Variants in ACSL4 observed in about 807,000 individuals in gnomAD.
ACSL4 encodes acyl-CoA synthetase long chain family member 4.
ACSL4 carries 9 observed loss-of-function variants against 49.1 expected under a neutral mutation model. That is an observed-to-expected ratio of 0.18 (90% CI 0.11 to 0.32). The LOEUF (loss-of-function observed/expected upper bound fraction) is 0.32, where lower values mean the gene tolerates loss of function less well. Among genes scored for constraint, ACSL4 ranks in the 10% least tolerant of loss-of-function variants. The pLI is 1.00. For missense variants in ACSL4, 333 were observed against 493.7 expected (o/e 0.67, Z 3.08); for synonymous variants, 191 against 170.3 (o/e 1.12, Z -0.95).
In ACSL4 at chrX:109,642,232, GA is replaced by G. The variant is rs1934464695; in HGVS notation, c.*1796del. 9.0e-6 allele frequency: 1 copy of G among 111,187 alleles called. No homozygotes were observed. Among genetic ancestry groups the G allele is most frequent in the African/African-American group, 3.3e-5 (1 of 30,505 alleles). The allele number at this position is 111,187 out of a possible 1,213,427, so 9.2% of individuals were successfully genotyped here. Reference sequence around the variant, plus strand: ...AAATGGGAAAAAAAATCACATATTGGAAAAGTCTAAGAAACTCATTCTTAAG... The same window carrying G: ...AAATGGGAAAAAAAATCACATATTGGAAAGTCTAAGAAACTCATTCTTAAG... On this transcript the variant is annotated 3_prime_UTR_variant, in exon 16 of 16. Transcript: ENST00000672401.
chrX:109,710,586 T>C (rs760882875), intron 1 of ACSL4, among the ~76,000 whole-genome samples: 1 of 112,960 alleles, frequency 8.9e-6, no homozygotes, highest in African/African-American at 3.2e-5. Flanking sequence ...TAAACAGATA[T>C]AGGATAAATC....
At position 109,682,902 on chromosome X, in the gene ACSL4, A is replaced by G; in HGVS notation, c.229-6T>C. The G allele has an allele frequency of 8.4e-7, 1 of 1,195,288 alleles. No individual in the cohort carries two copies. Among genetic ancestry groups the G allele is most frequent in the Non-Finnish European group, 1.1e-6 (1 of 880,490 alleles). Reference sequence around the variant, plus strand: ...TTATAATTCCCAAGAATTAACTGTTAAAGTGATACATTCTCTAATATTAGT... The same window carrying G: ...TTATAATTCCCAAGAATTAACTGTTGAAGTGATACATTCTCTAATATTAGT... On this transcript the variant is annotated splice_polypyrimidine_tract_variant and splice_region_variant and intron_variant, in intron 3 of 15. Coordinates refer to ENST00000672401, the MANE Select transcript of ACSL4 (RefSeq NM_001318510.2).
At chrX:109,657,060 C>T (rs1203623222) in intron 15 of ACSL4, among the ~76,000 whole-genome samples, 1 of 111,104 alleles carries the variant, frequency 9.0e-6, no homozygotes, top group African/African-American at 3.3e-5. Flanking sequence ...GCCTCCTGTT[C>T]TCCCTTTACA....
chrX:109,650,832 G>A (rs1921054160), intron 15 of ACSL4, among the ~76,000 whole-genome samples: 1 of 111,721 alleles, frequency 9.0e-6, no homozygotes, highest in South Asian at 3.7e-4. Flanking sequence ...CAAGGTCTTT[G>A]ATTTTTTCAC....
intron 9 of ACSL4, 77 bp from the exon 10 acceptor site, chrX:109,669,250 A>C: frequency 1.2e-6 from 1 of 802,926 alleles, no homozygotes; most frequent in Non-Finnish European, 1.8e-6. Context: ...TACTTGCAAC[A>C]TCTTGGGTAA....
intron 4 of ACSL4, among the ~76,000 whole-genome samples, chrX:109,681,721 T>G (rs909811538): frequency 1.5e-4 from 17 of 112,274 alleles, no homozygotes; most frequent in African/African-American, 4.5e-4. Context: ...TAGGGCTTCT[T>G]CTTGATACAC....
At chrX:109,713,684 A>G (rs894795826) in intron 1 of ACSL4, among the ~76,000 whole-genome samples, 1 of 111,727 alleles carries the variant, frequency 9.0e-6, no homozygotes, top group Non-Finnish European at 1.9e-5. Context: ...CTCATTTGTT[A>G]GGGGGGAAAA....
Position 109,682,969 on chromosome X carries a change from C to T in ACSL4, c.229-73G>A, listed in dbSNP as rs1924292527. 5 of 1,102,337 alleles carry T rather than the reference C, an allele frequency of 4.5e-6. No homozygotes were observed. The Admixed American group carries it at 9.5e-5, about 21-fold the overall frequency. The allele number at this position is 1,102,337 out of a possible 1,213,427, so 90.8% of individuals were successfully genotyped here. On this transcript the variant is annotated intron_variant, in intron 3 of 15. Transcript: ENST00000672401. The stretch of plus-strand genomic sequence containing the variant: ...TTAAAATACTATCCAAAGCATAAAA[C>T]TCTAAAAATGCTCTTAAATGAACAT...
intron 15 of ACSL4, among the ~76,000 whole-genome samples, chrX:109,644,519 C>T: frequency 8.9e-6 from 1 of 111,907 alleles, no homozygotes; most frequent in Non-Finnish European, 1.9e-5. Flanking sequence ...CACACATACA[C>T]ACACATCTTC....
chrX:109,692,406 C>T (rs1925106778), intron 2 of ACSL4, among the ~76,000 whole-genome samples: 1 of 111,753 alleles, frequency 8.9e-6, no homozygotes, highest in South Asian at 3.7e-4. Context: ...ATAATTTAAT[C>T]CAATAATTGG....
At chrX:109,681,158 A>G in intron 5 of ACSL4, 22 bp from the exon 6 acceptor site, 1 of 1,210,543 alleles carries the variant, frequency 8.3e-7, no homozygotes. Flanking sequence ...AAAGAAAAAA[A>G]AACAGCTATT....
intron 2 of ACSL4, among the ~76,000 whole-genome samples, chrX:109,685,833 A>G (rs937839511): frequency 9.1e-6 from 1 of 109,711 alleles, no homozygotes; most frequent in African/African-American, 3.3e-5. Flanking sequence ...GAGGAACCCA[A>G]TTCCCCTCAG....
rs929531049 is a variant in ACSL4 at position 109,724,124 on chromosome X, A to G, written c.-66+9015T>C. The stretch of plus-strand genomic sequence containing the variant: ...CTAATGTGATTTAGAACAATTGGTT[A>G]TGTAATTTAAAAGGTTAATTTCAGG... On this transcript the variant is annotated intron_variant, in intron 1 of 15. Transcript: ENST00000672401. Among the ~76,000 whole-genome samples the G allele has an allele frequency of 1.2e-4, 13 of 112,196 alleles. 3 individuals carry two copies. Among genetic ancestry groups the G allele is most frequent in the South Asian group, 1.1e-3 (3 of 2,703 alleles).
intron 2 of ACSL4, chrX:109,683,788 T>G (rs1473650527): frequency 4.3e-6 from 1 of 234,110 alleles, no homozygotes; most frequent in Non-Finnish European, 7.6e-6. Flanking sequence ...CAGGTCTTTA[T>G]TAGTTTACAC....
Position 109,674,405 on chromosome X carries a change from A to C in ACSL4, c.999T>G (p.Val333=), listed in dbSNP as rs1345553027. 2 of 1,201,401 alleles carry C rather than the reference A, an allele frequency of 1.7e-6. No individual in the cohort carries two copies. The highest frequency in any genetic ancestry group is 3.0e-5 in the East Asian group (1 of 33,790). ...CATATTCATATTCTGTACTCACCGG[A>C]ACAGCAGCCATAAGTGTGGGCTTCA... ...TVLKPTLMAA[V]PEIMDRIYKN... is the part of the protein sequence containing the mutation. The change falls in exon 9 of 16, where the codon GTT becomes GTG. Residue 333 remains valine, a synonymous_variant. Coordinates refer to ENST00000672401, the MANE Select transcript of ACSL4 (RefSeq NM_001318510.2).
chrX:109,685,136 G>A (rs1361112637), intron 2 of ACSL4, among the ~76,000 whole-genome samples: 4 of 92,798 alleles, frequency 4.3e-5, no homozygotes, highest in East Asian at 6.8e-4. Flanking sequence ...TTTGTCACAC[G>A]GGCCAGAGTG....
intron 9 of ACSL4, among the ~76,000 whole-genome samples, chrX:109,669,952 G>A (rs1035545203): frequency 1.8e-5 from 2 of 110,992 alleles, no homozygotes; most frequent in African/African-American, 3.3e-5. Context: ...ACATTTTAAC[G>A]GAAGCAAAGA....
intron 2 of ACSL4, among the ~76,000 whole-genome samples, chrX:109,690,762 G>T (rs1016412883): frequency 9.9e-6 from 1 of 101,185 alleles, no homozygotes; most frequent in Non-Finnish European, 2.0e-5. Context: ...CATTTTAGGG[G>T]GGGGGGGCCT....
At chrX:109,656,158 G>T (rs919055838) in intron 15 of ACSL4, among the ~76,000 whole-genome samples, 1 of 111,046 alleles carries the variant, frequency 9.0e-6, no homozygotes, top group Non-Finnish European at 1.9e-5. Flanking sequence ...TCAGCATGAG[G>T]ATAAAGGGCT....
Sources: allele counts gnomAD v4.1 joint callset (sites outside exome capture counted in the v4.1 genomes callset), GRCh38; gene constraint gnomAD v4.1.1; transcripts MANE v1.5; gene names NCBI Gene and HGNC (gene_info 2026-07-23, HGNC 2026-07-21).